Variants in HIVEP3 observed in about 807,000 individuals in gnomAD.
HIVEP3 encodes the protein HIVEP zinc finger 3.
Under a neutral mutation model 152.8 loss-of-function variants are expected in HIVEP3, and 49 were observed. That is an observed-to-expected ratio of 0.32 (90% CI 0.26 to 0.41). The LOEUF is 0.41. HIVEP3 is among the 10% of genes least tolerant of loss of function. The pLI is 1.00. For synonymous variants in HIVEP3, 1,269 were observed against 1,289.0 expected (o/e 0.98, Z 0.33); for missense variants, 2,790 against 3,103.3 (o/e 0.90, Z 2.40).
intron 1 of HIVEP3, among the ~76,000 whole-genome samples, chr1:41,844,982 C>T (rs1416784907): frequency 6.6e-6 from 1 of 152,314 alleles, no homozygotes; most frequent in Non-Finnish European, 1.5e-5. Context: ...AGGGCTCAAG[C>T]TTCTGCCACA....
At chr1:41,739,936 C>T (rs1305793900) in intron 1 of HIVEP3, among the ~76,000 whole-genome samples, 1 of 152,220 alleles carries the variant, frequency 6.6e-6, no homozygotes, top group African/African-American at 2.4e-5. Flanking sequence ...TTTTCACTGC[C>T]ACCCTAGCAC....
At chr1:41,751,324 ATTTTT>A (rs35864189) in intron 1 of HIVEP3, among the ~76,000 whole-genome samples, 22 of 104,560 alleles carry the variant, frequency 2.1e-4, no homozygotes, top group African/African-American at 4.6e-4. Context: ...ACTGACACAC[ATTTTT>A]TTTTTTTTTT....
chr1:41,546,985 G>A (rs1643818482), intron 5 of HIVEP3, among the ~76,000 whole-genome samples: 3 of 152,122 alleles, frequency 2.0e-5, no homozygotes. Flanking sequence ...GCAGATCTAC[G>A]CAGTGCTCAT....
At chr1:41,645,314 G>T (rs1462752095) in intron 2 of HIVEP3, among the ~76,000 whole-genome samples, 2 of 152,188 alleles carry the variant, frequency 1.3e-5, no homozygotes, top group African/African-American at 4.8e-5. Context: ...GCCACACAGG[G>T]AGGGAGAGAA....
At chr1:41,619,564 A>C (rs1345331181) in intron 3 of HIVEP3, among the ~76,000 whole-genome samples, 1 of 152,186 alleles carries the variant, frequency 6.6e-6, no homozygotes, top group East Asian at 1.9e-4. Context: ...CTTATGTCTA[A>C]GTAGGGCCGA....
intron 1 of HIVEP3, among the ~76,000 whole-genome samples, chr1:41,854,517 CTTTTTTTTTT>C (rs998972000): frequency 1.9e-5 from 2 of 103,682 alleles, no homozygotes; most frequent in African/African-American, 8.4e-5. Context: ...TCTTGCTGCA[CTTTTTTTTTT>C]TTTTTTTTTT....
intron 1 of HIVEP3, among the ~76,000 whole-genome samples, chr1:41,724,568 C>T (rs1344808569): frequency 1.3e-5 from 2 of 152,228 alleles, no homozygotes; most frequent in African/African-American, 2.4e-5. Context: ...CCTACCCTTT[C>T]TGGCTCTTTG....
Position 41,918,211 on chromosome 1 carries a change from G to C in HIVEP3, c.-801+202C>G, listed in dbSNP as rs1644904078. On this transcript the variant is annotated intron_variant, in intron 1 of 8. Transcript: ENST00000372583. The surrounding 1 kb of genome is among the most constrained non-coding windows in gnomAD (Gnocchi z 4.3). ...GCCGAGCAGCGCGCTCAGCCCACCG[G>C]GGGCACTGGCCGCCACGCGCAGCCC... Among the ~76,000 whole-genome samples the C allele has an allele frequency of 1.3e-5, 2 of 152,282 alleles. No individual in the cohort carries two copies. The highest frequency in any genetic ancestry group is 6.5e-5 in the Admixed American group (1 of 15,306).
At chr1:41,568,549 C>T (rs757581502) in intron 5 of HIVEP3, among the ~76,000 whole-genome samples, 7 of 152,154 alleles carry the variant, frequency 4.6e-5, no homozygotes, top group Middle Eastern at 3.2e-3. Flanking sequence ...GGGCTGAGAA[C>T]GGACCACAGT....
intron 1 of HIVEP3, among the ~76,000 whole-genome samples, chr1:41,872,246 AAG>A (rs1447540001): frequency 6.6e-6 from 1 of 152,206 alleles, no homozygotes; most frequent in Non-Finnish European, 1.5e-5. Flanking sequence ...TTACAGACAA[AAG>A]AAAGGGAAAT....
At chr1:41,916,715 T>G (rs564146614) in intron 1 of HIVEP3, among the ~76,000 whole-genome samples, 1 of 152,140 alleles carries the variant, frequency 6.6e-6, no homozygotes, top group Non-Finnish European at 1.5e-5. Flanking sequence ...CCCCACAGTA[T>G]AGCCCAACCC....
chr1:42,030,215 T>G (rs1645605510), intron 1 of HIVEP3, among the ~76,000 whole-genome samples: 2 of 152,150 alleles, frequency 1.3e-5, no homozygotes, highest in Admixed American at 6.5e-5. Flanking sequence ...CCCAACAGAA[T>G]TCGTAAACTT....
chr1:41,676,820 T>A (rs555808496), intron 2 of HIVEP3, among the ~76,000 whole-genome samples: 1 of 152,286 alleles, frequency 6.6e-6, no homozygotes, highest in South Asian at 2.1e-4. Flanking sequence ...CCAGGAGTAG[T>A]CATGTGGCCC....
intron 3 of HIVEP3, among the ~76,000 whole-genome samples, chr1:41,600,011 C>T (rs1267274121): frequency 2.6e-5 from 4 of 152,022 alleles, no homozygotes; most frequent in Non-Finnish European, 4.4e-5. Flanking sequence ...ATCAAAACCA[C>T]GAAGATACCA....
At chr1:41,738,291 C>T (rs940446502) in intron 1 of HIVEP3, among the ~76,000 whole-genome samples, 2 of 152,202 alleles carry the variant, frequency 1.3e-5, no homozygotes, top group African/African-American at 4.8e-5. Context: ...GGCACTGTCG[C>T]TGAACCAGTC....
rs750967852 is a variant in HIVEP3, at chr1:42,008,471, T to G, written n.119+27336A>C. The stretch of plus-strand genomic sequence containing the variant: ...ACTTTCTCTTTGAAGACACTGTGGC[T>G]TCTTCTGATTGTTGGCAGCTGCTTT... On this transcript the variant is annotated intron_variant and non_coding_transcript_variant, in intron 1 of 3. Coordinates refer to the HIVEP3 transcript ENST00000489103. Among the ~76,000 whole-genome samples the G allele has an allele frequency of 1.3e-5, 2 of 152,240 alleles. 1 individual carries two copies. Among genetic ancestry groups the G allele is most frequent in the Non-Finnish European group, 2.9e-5 (2 of 68,040 alleles).
chr1:41,515,360 G>A (rs1423068089), intron 7 of HIVEP3, among the ~76,000 whole-genome samples: 2 of 152,260 alleles, frequency 1.3e-5, no homozygotes, highest in Non-Finnish European at 2.9e-5. Context: ...TGGAGCTGGG[G>A]CTGGCAGGCA....
intron 1 of HIVEP3, among the ~76,000 whole-genome samples, chr1:41,852,326 G>A (rs1053467414): frequency 2.0e-5 from 3 of 152,252 alleles, no homozygotes; most frequent in African/African-American, 7.2e-5. Flanking sequence ...CCCAGGAGAA[G>A]ACCACTGTGA....
At chr1:41,529,317 ACCT>A (rs1643154694) in intron 5 of HIVEP3, among the ~76,000 whole-genome samples, 1 of 84,568 alleles carries the variant, frequency 1.2e-5, no homozygotes, top group South Asian at 4.3e-4. Flanking sequence ...ACATGCTCAC[ACCT>A]CCCCACACCC....
Sources: gnomAD v4.1 joint callset for allele counts (sites outside exome capture counted in the v4.1 genomes callset) on GRCh38, gnomAD v4.1.1 for gene constraint, Gnocchi (gnomAD v3.1) non-coding constraint, MANE v1.5 for transcripts, NCBI Gene and HGNC (gene_info 2026-07-23, HGNC 2026-07-21) for gene names.